Variants in SGMS1 observed in about 807,000 individuals in gnomAD.
SGMS1 encodes the protein phosphatidylcholine:ceramide cholinephosphotransferase 1.
Under a neutral mutation model 46.2 loss-of-function variants are expected in SGMS1, and 13 were observed. The observed-to-expected ratio is 0.28, with a 90% CI of 0.18 to 0.45. The LOEUF (loss-of-function observed/expected upper bound fraction) is 0.45. Ranked by LOEUF, SGMS1 falls within the 20% of genes least tolerant of loss-of-function variation. SGMS1 has a pLI of 1.00. For missense variants in SGMS1, 324 were observed against 519.9 expected (o/e 0.62, Z 3.66); for synonymous variants, 203 against 187.8 (o/e 1.08, Z -0.66).
intron 7 of SGMS1, among the ~76,000 whole-genome samples, chr10:50,339,653 C>T (rs1847779543): frequency 6.6e-6 from 1 of 152,176 alleles, no homozygotes; most frequent in Non-Finnish European, 1.5e-5. Flanking sequence ...TGGTATACTG[C>T]TTAATAAACA....
intron 6 of SGMS1, among the ~76,000 whole-genome samples, chr10:50,392,190 TAAAA>T (rs35016002): frequency 1.4e-5 from 2 of 147,402 alleles, no homozygotes; most frequent in African/African-American, 5.0e-5. Flanking sequence ...AAGTAAAAGT[TAAAA>T]AAAAAAAAAC....
At chr10:50,555,842 C>T (rs1015672739) in intron 2 of SGMS1, among the ~76,000 whole-genome samples, 2 of 152,196 alleles carry the variant, frequency 1.3e-5, no homozygotes, top group Non-Finnish European at 2.9e-5. Context: ...AACTATATTT[C>T]ATAAAAACAC....
At chr10:50,387,623 T>C (rs1848700657) in intron 6 of SGMS1, among the ~76,000 whole-genome samples, 1 of 152,198 alleles carries the variant, frequency 6.6e-6, no homozygotes, top group African/African-American at 2.4e-5. Flanking sequence ...GTATATATCC[T>C]TCAGGACAAA....
chr10:50,367,553 G>A (rs948641106), intron 6 of SGMS1, among the ~76,000 whole-genome samples: 1 of 152,000 alleles, frequency 6.6e-6, no homozygotes, highest in Admixed American at 6.6e-5. Context: ...TCTCCTGGAG[G>A]TAAAAAAAGA....
At chr10:50,319,589 T>C (rs565029830) in intron 8 of SGMS1, among the ~76,000 whole-genome samples, 1 of 152,336 alleles carries the variant, frequency 6.6e-6, no homozygotes, top group South Asian at 2.1e-4. Flanking sequence ...TCAGTCTTTT[T>C]TTCCCCATGA....
chr10:50,404,000 G>A (rs139814717), intron 6 of SGMS1, among the ~76,000 whole-genome samples: 31 of 151,940 alleles, frequency 2.0e-4, no homozygotes, highest in African/African-American at 7.2e-4. Flanking sequence ...ACGGTAACAT[G>A]GGGGAAACAG....
At chr10:50,529,689 C>T (rs538853686) in intron 2 of SGMS1, among the ~76,000 whole-genome samples, 2 of 152,158 alleles carry the variant, frequency 1.3e-5, no homozygotes, top group Admixed American at 6.5e-5. Context: ...GCCATCTAAT[C>T]GACTATTTCA....
At chr10:50,596,218 C>T (rs941706288) in intron 1 of SGMS1, among the ~76,000 whole-genome samples, 22 of 149,698 alleles carry the variant, frequency 1.5e-4, no homozygotes, top group Non-Finnish European at 2.8e-4. Flanking sequence ...CTCTTGTTGC[C>T]CAGGCTGAAG....
At chr10:50,568,642 G>A (rs1024486412) in intron 2 of SGMS1, among the ~76,000 whole-genome samples, 4 of 152,138 alleles carry the variant, frequency 2.6e-5, no homozygotes, top group African/African-American at 4.8e-5. Flanking sequence ...GGTTCCAGAA[G>A]AGCCTGGGAA....
At chr10:50,598,012 CAAA>C (rs544250440) in intron 1 of SGMS1, among the ~76,000 whole-genome samples, 4 of 92,394 alleles carry the variant, frequency 4.3e-5, no homozygotes, top group Admixed American at 1.2e-4. Context: ...AACTCCGTCT[CAAA>C]AAAAAAAAAA....
At chr10:50,427,776 G>T (rs1849348265) in intron 6 of SGMS1, among the ~76,000 whole-genome samples, 1 of 152,026 alleles carries the variant, frequency 6.6e-6, no homozygotes, top group African/African-American at 2.4e-5. Context: ...TCCAGGGCTT[G>T]GGTTATTTTA....
intron 6 of SGMS1, among the ~76,000 whole-genome samples, chr10:50,431,223 A>C (rs1849401351): frequency 6.6e-6 from 1 of 152,226 alleles, no homozygotes; most frequent in Non-Finnish European, 1.5e-5. Flanking sequence ...CTTCCTCTTG[A>C]AATGAACACA....
chr10:50,513,966 A>C (rs61858065), intron 3 of SGMS1, among the ~76,000 whole-genome samples: 28,499 of 152,122 alleles, frequency 0.19, 2,828 homozygotes, highest in Admixed American at 0.24. Flanking sequence ...CTGAGTCTTA[A>C]ATCTCATTTC....
At chr10:50,432,117 G>A (rs1004601879) in intron 6 of SGMS1, among the ~76,000 whole-genome samples, 33 of 152,150 alleles carry the variant, frequency 2.2e-4, no homozygotes, top group Middle Eastern at 3.2e-3. Context: ...TTGTGGCTTA[G>A]AAATGTCTTC....
intron 6 of SGMS1, among the ~76,000 whole-genome samples, chr10:50,353,712 C>T (rs1270470426): frequency 6.6e-6 from 1 of 152,274 alleles, no homozygotes; most frequent in African/African-American, 2.4e-5. Context: ...CCCAAAATCT[C>T]CTTAAGCTGA....
intron 8 of SGMS1, among the ~76,000 whole-genome samples, chr10:50,316,376 T>C (rs894131561): frequency 2.0e-5 from 3 of 152,338 alleles, no homozygotes; most frequent in Non-Finnish European, 4.4e-5. Flanking sequence ...GCAGACCCTA[T>C]CTGCTGTAGG....
At chr10:50,456,453 A>G (rs1837192189) in intron 5 of SGMS1, among the ~76,000 whole-genome samples, 1 of 152,226 alleles carries the variant, frequency 6.6e-6, no homozygotes, top group African/African-American at 2.4e-5. Context: ...TAAGAGAACA[A>G]GAAGTAATAA....
In SGMS1 at chr10:50,500,764, T is replaced by A. The variant is rs993156102; in HGVS notation, c.-498+19067A>T. Among the ~76,000 whole-genome samples the A allele has an allele frequency of 5.4e-4, 82 of 152,206 alleles. 2 individuals are homozygous for A. The highest frequency in any genetic ancestry group is 1.8e-4 in the Non-Finnish European group (12 of 68,040). ...TTGGCTAACGTAAGTCCATACTAAC[T>A]TTTTTCTTCCATCCACCCAGAGACA... is the stretch of plus-strand genomic sequence containing the variant. On this transcript the variant is annotated intron_variant, in intron 3 of 10. Coordinates refer to ENST00000361781, the MANE Select transcript of SGMS1 (RefSeq NM_147156.4).
At chr10:50,351,694 T>G (rs1034400216) in intron 6 of SGMS1, among the ~76,000 whole-genome samples, 3 of 152,152 alleles carry the variant, frequency 2.0e-5, no homozygotes, top group Non-Finnish European at 2.9e-5. Flanking sequence ...AGAAGTGCCT[T>G]TTGCCTCCTG....
Sources: gnomAD v4.1 joint callset for allele counts (sites outside exome capture counted in the v4.1 genomes callset) on GRCh38, gnomAD v4.1.1 for gene constraint, MANE v1.5 for transcripts, NCBI Gene and HGNC (gene_info 2026-07-23, HGNC 2026-07-21) for gene names.